PRMT8: variants seen among roughly 807,000 people sequenced by gnomAD.
PRMT8 encodes the protein protein arginine methyltransferase 8, also known as protein arginine N-methyltransferase 8.
A neutral mutation model predicts 47.1 loss-of-function variants in PRMT8; 7 were observed. The observed-to-expected ratio is 0.15, with a 90% CI of 0.08 to 0.28. The LOEUF (loss-of-function observed/expected upper bound fraction) is 0.28. PRMT8 is among the 10% of genes least tolerant of loss of function. The pLI is 1.00. For missense variants in PRMT8, 237 were observed against 505.4 expected (o/e 0.47, Z 5.09); for synonymous variants, 188 against 186.5 (o/e 1.01, Z -0.07).
At chr12:3,389,455 G>A (rs1421602189) in intron 1 of PRMT8, among the ~76,000 whole-genome samples, 1 of 152,012 alleles carries the variant, frequency 6.6e-6, no homozygotes, top group Non-Finnish European at 1.5e-5. Flanking sequence ...GAAGGCATTC[G>A]CTCATTCTTT....
chr12:3,481,305 G>A (rs567090228), intron 1 of PRMT8, among the ~76,000 whole-genome samples: 2 of 152,340 alleles, frequency 1.3e-5, no homozygotes, highest in East Asian at 1.9e-4. Flanking sequence ...TGGCTCAAGA[G>A]AGGACAAGTC....
At chr12:3,551,100 A>T (rs1275719880) in intron 3 of PRMT8, 1 of 71,524 alleles carries the variant, frequency 1.4e-5, no homozygotes, top group Non-Finnish European at 3.1e-5. Context: ...ACTGACTCCC[A>T]GGTTGACTAG....
intron 2 of PRMT8, among the ~76,000 whole-genome samples, chr12:3,544,131 C>T (rs955569077): frequency 2.6e-5 from 4 of 152,184 alleles, no homozygotes; most frequent in Non-Finnish European, 5.9e-5. Flanking sequence ...GCAGGAAAGC[C>T]AGGACACAAG....
At position 3,577,754 on chromosome 12, in the gene PRMT8, G is replaced by A. The variant is rs190621960; in HGVS notation, c.828+768G>A. 2.0e-4 allele frequency among the ~76,000 whole-genome samples: 31 copies of A among 152,106 alleles called. No homozygotes were observed. In the East Asian group the frequency reaches 5.6e-3, roughly 28 times the overall value. ...GGCCCAAGACAGTTCTTCTTCTAAT[G>A]TGACCCACGGTAGCCAAAAGATTAG... On this transcript the variant is annotated intron_variant, in intron 7 of 9. Coordinates refer to ENST00000382622, the MANE Select transcript of PRMT8 (RefSeq NM_019854.5).
upstream of PRMT8, chr12:3,491,115 G>A: frequency 1.0e-6 from 1 of 979,868 alleles, no homozygotes; most frequent in Non-Finnish European, 1.2e-6. Flanking sequence ...CTCGGTCTGC[G>A]CCCAGCCGCC....
At chr12:3,592,187 C>T (rs1867320128) in intron 8 of PRMT8, 44 bp from the exon 9 acceptor site, 1 of 1,533,830 alleles carries the variant, frequency 6.5e-7, no homozygotes, top group East Asian at 2.5e-5. Context: ...GAGACTTCGT[C>T]TCTGACTCTT....
chr12:3,413,683 T>G (rs1199653916), intron 1 of PRMT8, among the ~76,000 whole-genome samples: 1 of 152,202 alleles, frequency 6.6e-6, no homozygotes, highest in Non-Finnish European at 1.5e-5. Context: ...TCAGTTCCAT[T>G]GTAGTCTTGT....
At chr12:3,395,085 A>G (rs1470070006) in intron 1 of PRMT8, among the ~76,000 whole-genome samples, 1 of 150,192 alleles carries the variant, frequency 6.7e-6, no homozygotes, top group African/African-American at 2.5e-5. Context: ...TATTGCGTCT[A>G]TTTGATTCTT....
chr12:3,474,336 C>A (rs1255111969), intron 1 of PRMT8, among the ~76,000 whole-genome samples: 1 of 152,138 alleles, frequency 6.6e-6, no homozygotes, highest in African/African-American at 2.4e-5. Flanking sequence ...ATGGGGGTAC[C>A]CTGCCTGCTT....
chr12:3,426,833 C>T (rs182143286), intron 1 of PRMT8, among the ~76,000 whole-genome samples: 61 of 151,990 alleles, frequency 4.0e-4, no homozygotes, highest in African/African-American at 1.4e-3. Context: ...AGTCTATCCC[C>T]TTTCTGCTGT....
At chr12:3,484,844 C>T (rs1394546268) in intron 1 of PRMT8, among the ~76,000 whole-genome samples, 3 of 152,196 alleles carry the variant, frequency 2.0e-5, no homozygotes. Flanking sequence ...TTATTACAGG[C>T]AAGTCTGAAT....
intron 1 of PRMT8, among the ~76,000 whole-genome samples, chr12:3,533,053 T>G (rs147903270): frequency 6.4e-4 from 97 of 152,070 alleles, no homozygotes; most frequent in African/African-American, 2.0e-3. Flanking sequence ...GACTCTAAGG[T>G]AAGAAAACCC....
intron 1 of PRMT8, among the ~76,000 whole-genome samples, chr12:3,467,003 G>A (rs1488731850): frequency 2.0e-5 from 3 of 151,990 alleles, no homozygotes; most frequent in Non-Finnish European, 4.4e-5. Flanking sequence ...TTTGGGAGGC[G>A]GAGGCGGGTG....
upstream of PRMT8, among the ~76,000 whole-genome samples, chr12:3,490,902 C>T (rs570339277): frequency 6.6e-6 from 1 of 152,114 alleles, no homozygotes; most frequent in East Asian, 2.0e-4. Flanking sequence ...TTAACTGTGG[C>T]CCGGTCTCGC....
At chr12:3,428,995 T>C (rs973473283) in intron 1 of PRMT8, among the ~76,000 whole-genome samples, 1 of 152,188 alleles carries the variant, frequency 6.6e-6, no homozygotes, top group Admixed American at 6.5e-5. Context: ...TTTGTCTCTC[T>C]GTCTCTTCCT....
At chr12:3,584,323 C>T (rs944984915) in intron 8 of PRMT8, among the ~76,000 whole-genome samples, 1 of 152,152 alleles carries the variant, frequency 6.6e-6, no homozygotes, top group African/African-American at 2.4e-5. Flanking sequence ...AGCCCTTTTC[C>T]CAAATACAGT....
chr12:3,569,460 C>T lies in PRMT8; in HGVS notation c.625-17C>T, dbSNP rs1427346895. The T allele has an allele frequency of 1.2e-6, 2 of 1,609,346 alleles. No homozygotes were observed. Among genetic ancestry groups the T allele is most frequent in the South Asian group, 2.2e-5 (2 of 90,994 alleles). On this transcript the variant is annotated splice_polypyrimidine_tract_variant and intron_variant, in intron 5 of 9. Coordinates refer to ENST00000382622, the MANE Select transcript of PRMT8 (RefSeq NM_019854.5). The surrounding 1 kb of genome is among the most constrained non-coding windows in gnomAD (Gnocchi z 8.2). ...TGAATAGATTACGAGACCCATTTCC[C>T]CACAATTCATCAACAGAAACCTGGA...
At chr12:3,520,157 C>G (rs573159841) in intron 1 of PRMT8, among the ~76,000 whole-genome samples, 1 of 152,190 alleles carries the variant, frequency 6.6e-6, no homozygotes, top group African/African-American at 2.4e-5. Flanking sequence ...AGAGTGGGGA[C>G]AAACCGGAGA....
chr12:3,419,772 G>A (rs1223362226), intron 1 of PRMT8, among the ~76,000 whole-genome samples: 3 of 151,832 alleles, frequency 2.0e-5, no homozygotes, highest in African/African-American at 4.8e-5. Flanking sequence ...ATGGCCTCGA[G>A]TTAAATGAAG....
Sources: gnomAD v4.1 joint callset for allele counts (sites outside exome capture counted in the v4.1 genomes callset) on GRCh38, gnomAD v4.1.1 for gene constraint, Gnocchi (gnomAD v3.1) non-coding constraint, MANE v1.5 for transcripts, NCBI Gene and HGNC (gene_info 2026-07-23, HGNC 2026-07-21) for gene names.